Variants in MGST1 observed in about 807,000 individuals in gnomAD.
The protein encoded by MGST1 is microsomal glutathione S-transferase 1, also known as glutathione S-transferase 12.
MGST1 carries 5 observed loss-of-function variants against 8.9 expected under a neutral mutation model. The observed-to-expected ratio is 0.56, with a 90% CI of 0.29 to 1.19. The LOEUF (loss-of-function observed/expected upper bound fraction) is 1.19. Among genes scored for constraint, MGST1 ranks in the 50% most tolerant of loss-of-function variants. MGST1 has a pLI of 0.08. For missense variants in MGST1, 182 were observed against 187.4 expected, an observed-to-expected ratio of 0.97 and a Z score of 0.17; for synonymous variants, 54 against 67.8, an observed-to-expected ratio of 0.80 and a Z score of 1.00.
At chr12:16,481,271 G>A (rs1043532529) in intron 4 of MGST1, among the ~76,000 whole-genome samples, 20 of 152,184 alleles carry the variant, frequency 1.3e-4, no homozygotes, top group African/African-American at 4.8e-4. Context: ...AGGCAGATCT[G>A]GGTAGGTAAT....
intron 1 of MGST1, among the ~76,000 whole-genome samples, chr12:16,397,080 A>G (rs536209016): frequency 2.0e-5 from 3 of 152,346 alleles, no homozygotes; most frequent in African/African-American, 7.2e-5. Context: ...AAAAATAGAC[A>G]CATACACCAA....
chr12:16,388,820 T>C (rs1439491564), intron 1 of MGST1, among the ~76,000 whole-genome samples: 1 of 152,174 alleles, frequency 6.6e-6, no homozygotes, highest in Non-Finnish European at 1.5e-5. Context: ...AAGGCAGCTT[T>C]AGGAGACTTG....
At chr12:16,562,051 T>C (rs943682186) in intron 4 of MGST1, among the ~76,000 whole-genome samples, 2 of 152,326 alleles carry the variant, frequency 1.3e-5, no homozygotes, top group African/African-American at 2.4e-5. Context: ...CCTTTTGTAA[T>C]CTGTATTTTG....
chr12:16,587,046 T>C lies in MGST1; in HGVS notation n.483-2482T>C, dbSNP rs886752665. On this transcript the variant is annotated intron_variant and non_coding_transcript_variant, in intron 4 of 4. Coordinates refer to the MGST1 transcript ENST00000538857. This position sits in a 1 kb window ranked among gnomAD's most constrained non-coding sequence, Gnocchi z 4.3. Reference sequence around the variant, plus strand: ...TCTCGTCACATCTCATATTTGGTTATTTTCCTTCTCAAAAGGTCTTGTTAC... The same window carrying C: ...TCTCGTCACATCTCATATTTGGTTACTTTCCTTCTCAAAAGGTCTTGTTAC... Among the ~76,000 whole-genome samples, 1 of 152,216 alleles carries C rather than the reference T, an allele frequency of 6.6e-6. No individual in the cohort carries two copies. Among genetic ancestry groups the C allele is most frequent in the Non-Finnish European group, 1.5e-5 (1 of 68,036 alleles).
chr12:16,446,622 C>A (rs897889987), intron 4 of MGST1, among the ~76,000 whole-genome samples: 2 of 151,916 alleles, frequency 1.3e-5, no homozygotes, highest in African/African-American at 2.4e-5. Context: ...GACTCCCAGG[C>A]CCCTGATGGT....
Position 16,551,240 on chromosome 12 carries a change from A to G in MGST1, n.483-38288A>G, listed in dbSNP as rs747571079. 144 of 1,610,064 alleles carry G rather than the reference A, an allele frequency of 8.9e-5. 1 individual carries two copies. The highest frequency in any genetic ancestry group is 1.2e-4 in the Non-Finnish European group (143 of 1,176,490). Reference sequence around the variant, plus strand: ...TGATAGATCAGCGAACCTGGGGTGCATAACCTTCTTTCATTAAACCTTCCT... The same window carrying G: ...TGATAGATCAGCGAACCTGGGGTGCGTAACCTTCTTTCATTAAACCTTCCT... On this transcript the variant is annotated intron_variant and non_coding_transcript_variant, in intron 4 of 4. Coordinates refer to the MGST1 transcript ENST00000538857.
intron 4 of MGST1, among the ~76,000 whole-genome samples, chr12:16,522,598 G>C (rs1052374865): frequency 1.3e-5 from 2 of 151,962 alleles, no homozygotes; most frequent in African/African-American, 2.4e-5. Context: ...TGACTCCATG[G>C]CTTGATGAAG....
intron 4 of MGST1, among the ~76,000 whole-genome samples, chr12:16,583,716 T>C (rs559912077): frequency 6.6e-6 from 1 of 152,244 alleles, no homozygotes; most frequent in East Asian, 1.9e-4. Flanking sequence ...TAGGAATGGA[T>C]TGAAAAAGGG....
intron 1 of MGST1, chr12:16,348,017 C>T (rs552798734): frequency 6.6e-6 from 1 of 152,232 alleles, no homozygotes; most frequent in South Asian, 2.1e-4. Context: ...GAAAGGGTCC[C>T]TTGAACTCTG....
At chr12:16,397,112 C>T (rs931805459) in intron 1 of MGST1, among the ~76,000 whole-genome samples, 1 of 151,962 alleles carries the variant, frequency 6.6e-6, no homozygotes, top group Non-Finnish European at 1.5e-5. Context: ...AGAAAACCCA[C>T]CAGTAAACCC....
intron 1 of MGST1, among the ~76,000 whole-genome samples, chr12:16,422,229 C>T (rs977688977): frequency 3.3e-5 from 5 of 152,174 alleles, no homozygotes; most frequent in Non-Finnish European, 5.9e-5. Flanking sequence ...ACCAGCCCAT[C>T]TATTCTCTAT....
rs1435370884 is a variant in MGST1 at position 16,566,461 on chromosome 12, C to G, written n.483-23067C>G. Among the ~76,000 whole-genome samples the G allele has an allele frequency of 7.2e-5, 11 of 151,984 alleles. 1 individual carries two copies. Among genetic ancestry groups the G allele is most frequent in the Admixed American group, 7.2e-4 (11 of 15,256 alleles). On this transcript the variant is annotated intron_variant and non_coding_transcript_variant, in intron 4 of 4. Transcript: ENST00000538857. ...ATGTATGAGGCGATGGGTATTTGAA[C>G]TACCCTAATTAGATCATTACACAAA...
chr12:16,571,105 C>T (rs867981078), intron 4 of MGST1, among the ~76,000 whole-genome samples: 11 of 152,118 alleles, frequency 7.2e-5, no homozygotes, highest in African/African-American at 2.4e-4. Context: ...TATCTTACCT[C>T]GTTGAAGAAA....
intron 2 of MGST1, among the ~76,000 whole-genome samples, chr12:16,356,043 G>A (rs1159547686): frequency 6.6e-6 from 1 of 152,088 alleles, no homozygotes; most frequent in African/African-American, 2.4e-5. Context: ...AGAGAAGGAA[G>A]CAAACTCTCT....
intron 4 of MGST1, among the ~76,000 whole-genome samples, chr12:16,531,286 G>A (rs1248389552): frequency 1.3e-5 from 2 of 151,694 alleles, no homozygotes; most frequent in African/African-American, 4.8e-5. Flanking sequence ...ACACAGGCTA[G>A]GCAATCCTTT....
At chr12:16,439,953 C>T (rs1167456108), downstream of MGST1, among the ~76,000 whole-genome samples, 1 of 151,744 alleles carries the variant, frequency 6.6e-6, no homozygotes, top group South Asian at 2.1e-4. Flanking sequence ...TTCAGCAAAG[C>T]CTTTTCTATC....
downstream of MGST1, among the ~76,000 whole-genome samples, chr12:16,366,151 G>C (rs192212249): frequency 2.0e-5 from 3 of 152,118 alleles, no homozygotes; most frequent in African/African-American, 4.8e-5. The surrounding 1 kb of genome is among the most constrained non-coding windows in gnomAD (Gnocchi z 4.0). Context: ...GGAAAAGGAC[G>C]TTTAAATTTT....
At chr12:16,525,465 A>G (rs1479158142) in intron 4 of MGST1, among the ~76,000 whole-genome samples, 1 of 151,448 alleles carries the variant, frequency 6.6e-6, no homozygotes, top group East Asian at 1.9e-4. Context: ...CCTACAAAGC[A>G]CATGAACTCA....
intron 4 of MGST1, among the ~76,000 whole-genome samples, chr12:16,444,036 T>C (rs552202560): frequency 3.3e-5 from 5 of 152,014 alleles, no homozygotes; most frequent in Admixed American, 1.3e-4. Context: ...ATCAGTCAGA[T>C]AGCGTAGCCA....
Sources: allele counts gnomAD v4.1 joint callset (sites outside exome capture counted in the v4.1 genomes callset), GRCh38; gene constraint gnomAD v4.1.1; non-coding constraint Gnocchi (gnomAD v3.1); transcripts MANE v1.5; gene names NCBI Gene and HGNC (gene_info 2026-07-23, HGNC 2026-07-21).